Variants in FBXW10 observed in about 807,000 individuals in gnomAD.
FBXW10 encodes the protein F-box/WD repeat-containing protein 10.
FBXW10 carries 68 observed loss-of-function variants against 113.1 expected under a neutral mutation model. That is an observed-to-expected ratio of 0.60 (90% confidence interval 0.49 to 0.74). The LOEUF (loss-of-function observed/expected upper bound fraction) is 0.74, where lower values mean the gene tolerates loss of function less well. FBXW10 is among the 30% of genes least tolerant of loss of function. The pLI, the probability that FBXW10 is intolerant of heterozygous loss-of-function variation, is 0.00. For missense variants in FBXW10, 753 were observed against 1,284.5 expected (o/e 0.59, Z 6.32); for synonymous variants, 289 against 481.6 (o/e 0.60, Z 5.24).
intron 9 of FBXW10, among the ~76,000 whole-genome samples, chr17:18,767,336 C>T (rs1426732232): frequency 2.0e-5 from 3 of 151,256 alleles, no homozygotes; most frequent in East Asian, 1.9e-4. Context: ...AAAAATTAGC[C>T]GGGCATGGTG....
intron 1 of FBXW10, among the ~76,000 whole-genome samples, chr17:18,745,620 T>C (rs998802006): frequency 6.6e-6 from 1 of 152,142 alleles, no homozygotes. Context: ...TTCACCATGC[T>C]GGCCAGGCTG....
At chr17:18,772,928 CTTTTTTT>C (rs940811811) in intron 12 of FBXW10, among the ~76,000 whole-genome samples, 10 of 135,642 alleles carry the variant, frequency 7.4e-5, no homozygotes, top group Admixed American at 1.5e-4. Flanking sequence ...TTCTTTCTTT[CTTTTTTT>C]TTTTTTTTTT....
rs1208760217 is a variant in FBXW10 at position 18,744,155 on chromosome 17, G to T, written c.-90G>T. On this transcript the variant is annotated 5_prime_UTR_variant, in exon 1 of 14. Coordinates refer to ENST00000395665, the MANE Select transcript of FBXW10 (RefSeq NM_001267585.2). ...TTGTAATAGAAAAGGCACAACTGGG[G>T]TATTTATTCATTCCCCCCGTTCCTC... The T allele has an allele frequency of 6.5e-7, 1 of 1,530,084 alleles. No individual in the cohort carries two copies. The highest frequency in any genetic ancestry group is 1.4e-5 in the African/African-American group (1 of 72,160). 94.8% of individuals were successfully genotyped at this position (1,530,084 alleles called of 1,614,324 possible). A position where few individuals can be genotyped will look rare whatever the true frequency, so the allele number is the denominator to read the frequency against.
rs1167879482 is a variant in FBXW10, at chr17:18,745,262, C to T, written c.505+513C>T. The T allele has an allele frequency of 5.2e-6, 5 of 958,268 alleles. No individual in the cohort carries two copies. In the African/African-American group the frequency reaches 8.9e-5, roughly 17 times the overall value. The allele number at this position is 958,268 out of a possible 1,614,324, so 59.4% of individuals were successfully genotyped here. A position where few individuals can be genotyped will look rare whatever the true frequency, so the allele number is the denominator to read the frequency against. ...AATGAAACCTTAAAGTAGAGTTTCTCCAAGGCTGGAGATAGCTTAAGGGCC... is the reference window on the plus strand; with the variant it reads ...AATGAAACCTTAAAGTAGAGTTTCTTCAAGGCTGGAGATAGCTTAAGGGCC... On this transcript the variant is annotated intron_variant, in intron 1 of 13. Coordinates refer to ENST00000395665, the MANE Select transcript of FBXW10 (RefSeq NM_001267585.2).
At chr17:18,751,907 C>T (rs2035177826) in intron 5 of FBXW10, among the ~76,000 whole-genome samples, 3 of 152,124 alleles carry the variant, frequency 2.0e-5, no homozygotes, top group Admixed American at 1.3e-4. Flanking sequence ...TGAAGAGTGA[C>T]CGGAAGACTC....
chr17:18,746,467 C>T (rs1232971395), intron 1 of FBXW10, among the ~76,000 whole-genome samples: 2 of 152,000 alleles, frequency 1.3e-5, no homozygotes, highest in Non-Finnish European at 2.9e-5. Flanking sequence ...GACAGGTGGT[C>T]ATATTTGTAG....
chr17:18,764,086 C>CAAA (rs930450057), intron 7 of FBXW10, among the ~76,000 whole-genome samples: 6 of 144,960 alleles, frequency 4.1e-5, no homozygotes, highest in African/African-American at 1.6e-4. Context: ...TTGTGACCAC[C>CAAA]AAAAATATCT....
chr17:18,744,494 G>T lies in FBXW10; in HGVS notation c.250G>T (p.Asp84Tyr). The change falls in exon 1 of 14, where the codon GAT becomes TAT. Residue 84 changes from aspartate (D) to tyrosine (Y), a missense_variant. Asp to Tyr is a radical substitution (Grantham distance 160). Transcript: ENST00000395665. ...TATCCTTCAGACCACACAGGGAAAG[G>T]ATTTCATCTATAACAGGTCCCGGAT... ...QNILQTTQGKDFIYNRSRINL... is the reference protein window; with the variant it reads ...QNILQTTQGKYFIYNRSRINL... The T allele has an allele frequency of 6.2e-7, 1 of 1,613,870 alleles. No individual in the cohort carries two copies. Among genetic ancestry groups the T allele is most frequent in the Non-Finnish European group, 8.5e-7 (1 of 1,179,872 alleles).
At chr17:18,772,931 T>TC (rs1398864383) in intron 12 of FBXW10, among the ~76,000 whole-genome samples, 17 of 149,278 alleles carry the variant, frequency 1.1e-4, no homozygotes, top group African/African-American at 2.4e-4. Context: ...TTTCTTTCTT[T>TC]TTTTTTTTTT....
intron 1 of FBXW10, among the ~76,000 whole-genome samples, chr17:18,747,293 G>A (rs529081835): frequency 2.0e-5 from 3 of 152,252 alleles, no homozygotes; most frequent in Admixed American, 1.3e-4. Context: ...GGGCGCAGTG[G>A]CTCACGCTTG....
At chr17:18,766,504 T>C (rs10153280) in intron 8 of FBXW10, among the ~76,000 whole-genome samples, 63,434 of 152,038 alleles carry the variant, frequency 0.42, 14,321 homozygotes, top group Non-Finnish European at 0.52. Flanking sequence ...CTCAACCACC[T>C]GTATTCAGGG....
intron 6 of FBXW10, 87 bp downstream of exon 6, chr17:18,756,241 T>C (rs147772607): frequency 0.079 from 100,764 of 1,274,668 alleles, 3,983 homozygotes; most frequent in South Asian, 0.12. Flanking sequence ...TTTGTGTACA[T>C]GGAAAGGCAA....
intron 12 of FBXW10, among the ~76,000 whole-genome samples, 154 bp downstream of exon 12, chr17:18,772,837 A>G (rs1294464436): frequency 6.6e-6 from 1 of 152,084 alleles, no homozygotes; most frequent in African/African-American, 2.4e-5. Context: ...CCAGGAAGGT[A>G]GGAGCCATTC....
chr17:18,767,415 C>T lies in FBXW10; in HGVS notation c.1704+553C>T, dbSNP rs142498785. Reference sequence around the variant, plus strand: ...AAATTGCTTGAACCAGGGAGGCAGACGTTGCAGTGAGCCGAGATCATGCGT... The same window carrying T: ...AAATTGCTTGAACCAGGGAGGCAGATGTTGCAGTGAGCCGAGATCATGCGT... On this transcript the variant is annotated intron_variant, in intron 9 of 13. Transcript: ENST00000395665. Among the ~76,000 whole-genome samples the T allele has an allele frequency of 6.9e-5, 10 of 144,846 alleles. No homozygotes were observed. The South Asian group carries it at 8.7e-4, about 13-fold the overall frequency.
chr17:18,751,781 C>T (rs1187081918), intron 5 of FBXW10, among the ~76,000 whole-genome samples: 1 of 152,178 alleles, frequency 6.6e-6, no homozygotes, highest in Non-Finnish European at 1.5e-5. Context: ...TCCAGAATGC[C>T]TAGGGCCTAG....
Position 18,772,540 on chromosome 17 carries a change from T to A in FBXW10, c.2135T>A (p.Leu712His), listed in dbSNP as rs556293584. 6.2e-7 allele frequency: 1 copy of A among 1,614,092 alleles called. No homozygotes were observed. The highest frequency in any genetic ancestry group is 2.2e-5 in the East Asian group (1 of 44,892). Residue 712 changes from leucine to histidine, a missense_variant, in exon 12 of 14, where the codon CTC becomes CAC. Transcript: ENST00000395665. ...GAGGAGGAAAAAGAAGAAAATAGTC[T>A]CATGGAAATTCTCTCTAAGTGTAAT... ...EKEEEKEENS[L>H]MEILSKCNIQ...
intron 6 of FBXW10, among the ~76,000 whole-genome samples, chr17:18,757,113 T>C (rs1368910131): frequency 6.6e-6 from 1 of 152,234 alleles, no homozygotes; most frequent in South Asian, 2.1e-4. Context: ...TACATGTATA[T>C]ATATACATAA....
chr17:18,749,808 G>A lies in FBXW10; in HGVS notation c.757G>A (p.Asp253Asn), dbSNP rs1597588308. 2.5e-6 allele frequency: 4 copies of A among 1,614,186 alleles called. No homozygotes were observed. The East Asian group carries it at 8.9e-5, about 36-fold the overall frequency. ...AGGAGACATAACCAAGCCAGGGTAC[G>A]ATCCCTGCAATCTATTGGTTGACCT... ...GKGDITKPGY[D>N]PCNLLVDLDD... Residue 253 changes from aspartate (D) to asparagine (N), a missense_variant, in exon 3 of 14, where the codon GAT becomes AAT. Transcript: ENST00000395665.
intron 8 of FBXW10, among the ~76,000 whole-genome samples, chr17:18,765,632 CT>C (rs1197246161): frequency 6.6e-6 from 1 of 152,226 alleles, no homozygotes; most frequent in African/African-American, 2.4e-5. Flanking sequence ...TCTCAGGCCA[CT>C]TGTCCTGTTG....
Sources: allele counts gnomAD v4.1 joint callset (sites outside exome capture counted in the v4.1 genomes callset), GRCh38; gene constraint gnomAD v4.1.1; transcripts MANE v1.5; gene names NCBI Gene and HGNC (gene_info 2026-07-23, HGNC 2026-07-21).